ZNF148: variants seen among roughly 807,000 people sequenced by gnomAD.
The protein encoded by ZNF148 is zinc finger protein 148, also known as Beta-Enolase Repressor Factor-1.
ZNF148 carries 7 observed loss-of-function variants against 67.7 expected under a neutral mutation model. The ratio of observed to expected loss-of-function variants is 0.10; its 90% CI spans 0.06 to 0.19. ZNF148 has a LOEUF of 0.19. ZNF148 is among the 10% of genes least tolerant of loss of function. ZNF148 has a pLI of 1.00. For missense variants in ZNF148, 583 were observed against 947.1 expected (o/e 0.62, Z 5.05); for synonymous variants, 333 against 330.7 (o/e 1.01, Z -0.08).
rs191271652 is a variant in ZNF148, at chr3:125,277,078, A to G, written c.667+648T>C. Among the ~76,000 whole-genome samples the G allele has an allele frequency of 8.9e-4, 136 of 152,342 alleles. 1 individual carries two copies. The highest frequency in any genetic ancestry group is 3.2e-3 in the African/African-American group (133 of 41,590). ...AAAACACTGGAAATCAATTCTAAAG[A>G]AACACTTTTCAACATGCTTAGAGGC... On this transcript the variant is annotated intron_variant, in intron 7 of 8. Coordinates refer to ENST00000360647, the MANE Select transcript of ZNF148 (RefSeq NM_021964.3).
At chr3:125,244,135 A>G (rs540149761) in intron 7 of ZNF148, among the ~76,000 whole-genome samples, 18 of 152,252 alleles carry the variant, frequency 1.2e-4, no homozygotes, top group African/African-American at 4.3e-4. Flanking sequence ...ATTTTCCCCT[A>G]CCCAAGGGCC....
At chr3:125,371,074 C>T (rs914813735) in intron 1 of ZNF148, among the ~76,000 whole-genome samples, 3 of 151,988 alleles carry the variant, frequency 2.0e-5, no homozygotes, top group East Asian at 1.9e-4. Context: ...GAATTGTGGC[C>T]GGGCACGGTG....
At chr3:125,326,843 GAT>G (rs1941048656) in intron 2 of ZNF148, among the ~76,000 whole-genome samples, 1 of 142,116 alleles carries the variant, frequency 7.0e-6, no homozygotes, top group South Asian at 2.2e-4. Context: ...TATGTATACA[GAT>G]ATATATGTAT....
At chr3:125,252,728 C>T (rs1171006276) in intron 7 of ZNF148, among the ~76,000 whole-genome samples, 1 of 150,270 alleles carries the variant, frequency 6.7e-6, no homozygotes, top group Non-Finnish European at 1.5e-5. Context: ...AGATTGTGCC[C>T]CTGCACTCCA....
intron 7 of ZNF148, among the ~76,000 whole-genome samples, chr3:125,259,155 T>C (rs891889384): frequency 2.6e-5 from 4 of 151,918 alleles, no homozygotes; most frequent in Admixed American, 2.0e-4. Context: ...TGAAAAACTC[T>C]CAAAAATCAA....
chr3:125,246,488 A>G (rs1041087725), intron 7 of ZNF148, among the ~76,000 whole-genome samples: 5 of 145,804 alleles, frequency 3.4e-5, no homozygotes, highest in Admixed American at 1.4e-4. Flanking sequence ...TTAAACTTCT[A>G]CGACTTTATA....
chr3:125,286,987 T>C (rs1002771995), intron 5 of ZNF148, among the ~76,000 whole-genome samples: 1 of 152,202 alleles, frequency 6.6e-6, no homozygotes, highest in Non-Finnish European at 1.5e-5. Context: ...AAACATTTGC[T>C]GATTTCCAGG....
chr3:125,285,784 T>C (rs1270278780), intron 5 of ZNF148, among the ~76,000 whole-genome samples: 1 of 152,106 alleles, frequency 6.6e-6, no homozygotes, highest in Non-Finnish European at 1.5e-5. Flanking sequence ...CCTAAAACAT[T>C]CTCTTATACG....
chr3:125,252,613 C>T (rs575365874), intron 7 of ZNF148, among the ~76,000 whole-genome samples: 13 of 151,994 alleles, frequency 8.6e-5, no homozygotes, highest in African/African-American at 2.9e-4. Flanking sequence ...ACTAAAAATA[C>T]AAAAATTAGC....
intron 5 of ZNF148, among the ~76,000 whole-genome samples, chr3:125,284,689 T>C (rs1447471149): frequency 6.6e-6 from 1 of 152,078 alleles, no homozygotes; most frequent in Non-Finnish European, 1.5e-5. Flanking sequence ...ATGGTGAAAA[T>C]AAAATGAAAT....
intron 2 of ZNF148, among the ~76,000 whole-genome samples, chr3:125,330,526 T>G (rs1941244769): frequency 6.9e-6 from 1 of 145,566 alleles, no homozygotes; most frequent in Admixed American, 6.8e-5. Flanking sequence ...CACAGAGAAA[T>G]TTTAGAATTT....
intron 7 of ZNF148, among the ~76,000 whole-genome samples, chr3:125,273,514 G>C (rs1380133091): frequency 2.0e-5 from 1 of 49,722 alleles, no homozygotes; most frequent in Admixed American, 1.7e-4. Flanking sequence ...TTTTTTTTTT[G>C]AGACGGAGTC....
At chr3:125,244,431 A>G (rs1579603587) in intron 7 of ZNF148, among the ~76,000 whole-genome samples, 1 of 152,008 alleles carries the variant, frequency 6.6e-6, no homozygotes. Context: ...ATGACCCACC[A>G]TATCAAAATG....
chr3:125,280,240 A>T (rs1484735945), intron 5 of ZNF148, among the ~76,000 whole-genome samples: 2 of 152,156 alleles, frequency 1.3e-5, no homozygotes, highest in East Asian at 3.8e-4. Flanking sequence ...GGGTAAAAAG[A>T]AGGAAGACAA....
In ZNF148 at chr3:125,326,671, GTATA is replaced by G. The variant is rs149041632; in HGVS notation, c.-152-3231_-152-3228del. 2.4e-3 allele frequency among the ~76,000 whole-genome samples: 344 copies of G among 145,010 alleles called. 1 individual carries two copies. Among genetic ancestry groups the G allele is most frequent in the Middle Eastern group, 7.2e-3 (2 of 276 alleles). On this transcript the variant is annotated intron_variant, in intron 2 of 8. Coordinates refer to ENST00000360647, the MANE Select transcript of ZNF148 (RefSeq NM_021964.3). ...TAGTGAAATGACACTATATATATGA[GTATA>G]TATATATATACTTGCTTTATATATG...
chr3:125,334,550 T>C (rs1282160706), intron 1 of ZNF148, among the ~76,000 whole-genome samples: 1 of 152,142 alleles, frequency 6.6e-6, no homozygotes, highest in Non-Finnish European at 1.5e-5. Context: ...ATGTAAGCAA[T>C]GAATATATGC....
intron 5 of ZNF148, among the ~76,000 whole-genome samples, chr3:125,284,215 T>C (rs1938541655): frequency 6.6e-6 from 1 of 152,150 alleles, no homozygotes; most frequent in Non-Finnish European, 1.5e-5. Context: ...ACAATCCTCC[T>C]AAAACCCTTC....
intron 2 of ZNF148, among the ~76,000 whole-genome samples, chr3:125,325,731 C>T (rs1034039173): frequency 6.6e-6 from 1 of 152,128 alleles, no homozygotes; most frequent in African/African-American, 2.4e-5. Context: ...TCCCAAATCC[C>T]CACCTGTGCT....
At chr3:125,327,599 T>C (rs1010087871) in intron 2 of ZNF148, among the ~76,000 whole-genome samples, 10 of 152,178 alleles carry the variant, frequency 6.6e-5, no homozygotes, top group Non-Finnish European at 1.3e-4. Flanking sequence ...GGTGGATGGA[T>C]TGCTTAAGCC....
Sources: gnomAD v4.1 joint callset for allele counts (sites outside exome capture counted in the v4.1 genomes callset) on GRCh38, gnomAD v4.1.1 for gene constraint, MANE v1.5 for transcripts, NCBI Gene and HGNC (gene_info 2026-07-23, HGNC 2026-07-21) for gene names.